Variants in NAV1 observed in about 807,000 individuals in gnomAD.
NAV1 encodes neuron navigator 1, also known as pore membrane and/or filament interacting like protein 3.
NAV1 carries 18 observed loss-of-function variants against 175.2 expected under a neutral mutation model. The ratio of observed to expected loss-of-function variants is 0.10; its 90% CI spans 0.07 to 0.15. The LOEUF (loss-of-function observed/expected upper bound fraction) is 0.15, where lower values mean the gene tolerates loss of function less well. Among genes scored for constraint, NAV1 ranks in the 10% least tolerant of loss-of-function variants. NAV1 has a pLI of 1.00. For synonymous variants in NAV1, 897 were observed against 978.7 expected (o/e 0.92, Z 1.56); for missense variants, 1,731 against 2,436.6 (o/e 0.71, Z 6.10).
At chr1:201,708,051 A>C (rs1558085331) in intron 1 of NAV1, among the ~76,000 whole-genome samples, 1 of 151,980 alleles carries the variant, frequency 6.6e-6, no homozygotes, top group Admixed American at 6.5e-5. Context: ...GTGTGCATGC[A>C]CCTGTCTGTC....
chr1:201,548,846 T>G (rs1571814615), intron 1 of NAV1, among the ~76,000 whole-genome samples: 1 of 152,258 alleles, frequency 6.6e-6, no homozygotes, highest in East Asian at 1.9e-4. Flanking sequence ...TGATAGATAT[T>G]GTCTACAGGT....
chr1:201,666,852 G>T (rs1278798451), intron 1 of NAV1, among the ~76,000 whole-genome samples: 1 of 152,124 alleles, frequency 6.6e-6, no homozygotes, highest in Non-Finnish European at 1.5e-5. Context: ...CTCTGTGTGG[G>T]CTCCTTGGCA....
chr1:201,802,305 C>CAAAAAAA (rs34854602), intron 15 of NAV1, among the ~76,000 whole-genome samples: 2 of 40,050 alleles, frequency 5.0e-5, no homozygotes, highest in Admixed American at 7.8e-4. Flanking sequence ...AACACCTTCT[C>CAAAAAAA]AAAAAAAAAA....
intron 1 of NAV1, among the ~76,000 whole-genome samples, chr1:201,706,341 C>G (rs570171527): frequency 6.6e-6 from 1 of 152,032 alleles, no homozygotes; most frequent in South Asian, 2.1e-4. Context: ...TTAGCCTAGC[C>G]TGGATTTGGG....
At chr1:201,674,577 C>T (rs1001497555) in intron 1 of NAV1, among the ~76,000 whole-genome samples, 2 of 152,140 alleles carry the variant, frequency 1.3e-5, no homozygotes, top group Non-Finnish European at 2.9e-5. Context: ...TTTCTACTGG[C>T]TGTATAGGAA....
chr1:201,627,065 G>A (rs1668350084), intron 1 of NAV1, among the ~76,000 whole-genome samples: 1 of 152,174 alleles, frequency 6.6e-6, no homozygotes, highest in Non-Finnish European at 1.5e-5. Context: ...CAACAATCGT[G>A]ACTGTAACTA....
In NAV1 at chr1:201,808,396, C is replaced by T. The variant is rs1678450017; in HGVS notation, c.3846-22C>T. The T allele has an allele frequency of 1.3e-6, 2 of 1,597,996 alleles. No individual in the cohort carries two copies. The highest frequency in any genetic ancestry group is 1.7e-6 in the Non-Finnish European group (2 of 1,171,670). ...TCTAGTGCTTCTTCATGTAGCCTGG[C>T]TTGACTCTTGCTATCTTACAGGGGC... On this transcript the variant is annotated intron_variant, in intron 18 of 29. Transcript: ENST00000367296. The surrounding 1 kb of genome is among the most constrained non-coding windows in gnomAD (Gnocchi z 5.5).
At chr1:201,722,568 C>G (rs1376884953) in intron 3 of NAV1, among the ~76,000 whole-genome samples, 1 of 152,108 alleles carries the variant, frequency 6.6e-6, no homozygotes, top group Non-Finnish European at 1.5e-5. Context: ...AAATTAGTGT[C>G]CAAATATTAT....
chr1:201,657,567 C>T (rs1157642218), intron 1 of NAV1, among the ~76,000 whole-genome samples: 6 of 152,224 alleles, frequency 3.9e-5, no homozygotes, highest in East Asian at 1.9e-4. Flanking sequence ...CCCTGACTCA[C>T]GGGCCCAGTG....
intron 1 of NAV1, among the ~76,000 whole-genome samples, chr1:201,693,337 G>A (rs1294945824): frequency 6.6e-6 from 1 of 152,224 alleles, no homozygotes; most frequent in Non-Finnish European, 1.5e-5. Context: ...TTTCTACCAA[G>A]AGGAGGGGCC....
At chr1:201,780,367 T>G in intron 3 of NAV1, 54 bp from the exon 8 acceptor site, 1 of 1,606,618 alleles carries the variant, frequency 6.2e-7, no homozygotes, top group Non-Finnish European at 8.5e-7. Context: ...AAACATTTAT[T>G]TTTTGCCTGG....
intron 7 of NAV1, among the ~76,000 whole-genome samples, chr1:201,784,904 G>A (rs1437683083): frequency 2.0e-5 from 3 of 151,888 alleles, no homozygotes; most frequent in Admixed American, 2.0e-4. Context: ...AGTAGCTGGG[G>A]ACTACAGGCG....
intron 1 of NAV1, among the ~76,000 whole-genome samples, chr1:201,624,197 C>CA (rs1668258116): frequency 6.6e-6 from 1 of 152,174 alleles, no homozygotes; most frequent in East Asian, 1.9e-4. Context: ...ATGCTTTAGA[C>CA]AGACAGGTGT....
intron 2 of NAV1, among the ~76,000 whole-genome samples, chr1:201,638,943 G>A (rs1469698960): frequency 1.3e-5 from 2 of 152,198 alleles, no homozygotes; most frequent in African/African-American, 2.4e-5. Flanking sequence ...GGATATCTCC[G>A]TGGGATATAA....
At chr1:201,570,721 A>G (rs959144409) in intron 1 of NAV1, among the ~76,000 whole-genome samples, 31 of 152,340 alleles carry the variant, frequency 2.0e-4, no homozygotes, top group African/African-American at 5.3e-4. Context: ...TTTTCTGCTC[A>G]GAAGAGGCAC....
At chr1:201,767,201 C>G (rs1675262106) in intron 3 of NAV1, among the ~76,000 whole-genome samples, 1 of 151,746 alleles carries the variant, frequency 6.6e-6, no homozygotes. Flanking sequence ...CGCCTGTAAT[C>G]CCAGCACTTT....
At chr1:201,602,651 GTT>G (rs375268009) in intron 2 of NAV1, among the ~76,000 whole-genome samples, 3,040 of 112,636 alleles carry the variant, frequency 0.027, 68 homozygotes, top group African/African-American at 0.038. Context: ...TTTTTTTTTG[GTT>G]TTTTTTTTTT....
intron 3 of NAV1, among the ~76,000 whole-genome samples, chr1:201,773,168 C>CA (rs575936418): frequency 4.4e-4 from 67 of 152,232 alleles, no homozygotes; most frequent in African/African-American, 1.6e-3. Flanking sequence ...CACTATACTA[C>CA]ATTAATGATG....
chr1:201,824,493 C>T (rs1248175755), exon 30 of NAV1: 3 of 152,182 alleles, frequency 2.0e-5, no homozygotes, highest in Admixed American at 2.0e-4. Flanking sequence ...TGCATGTCTG[C>T]TCAGCCTAGC....
Sources: allele counts gnomAD v4.1 joint callset (sites outside exome capture counted in the v4.1 genomes callset), GRCh38; gene constraint gnomAD v4.1.1; non-coding constraint Gnocchi (gnomAD v3.1); transcripts MANE v1.5; gene names NCBI Gene and HGNC (gene_info 2026-07-23, HGNC 2026-07-21).